The following ARHGEF33 variants were observed in gnomAD, a reference collection of about 807,000 sequenced individuals.
The protein encoded by ARHGEF33 is DH and coiled-coil domain-containing protein ENSP00000381780.
Under a neutral mutation model 101.9 loss-of-function variants are expected in ARHGEF33, and 72 were observed. The observed-to-expected ratio is 0.71, with a 90% CI of 0.58 to 0.86. The LOEUF (loss-of-function observed/expected upper bound fraction) is 0.86. Among genes scored for constraint, ARHGEF33 ranks in the 40% least tolerant of loss-of-function variants. The pLI, the probability that ARHGEF33 is intolerant of heterozygous loss-of-function variation, is 0.00. For synonymous variants in ARHGEF33, 499 were observed against 442.5 expected, an observed-to-expected ratio of 1.13 and a Z score of -1.60; for missense variants, 1,169 against 1,111.3, an observed-to-expected ratio of 1.05 and a Z score of -0.74.
Position 38,929,720 on chromosome 2 carries a change from C to T in ARHGEF33, c.252C>T (p.Ser84=). 1 of 1,551,606 alleles carries T rather than the reference C, an allele frequency of 6.4e-7. No individual in the cohort carries two copies. Among genetic ancestry groups the T allele is most frequent in the Non-Finnish European group, 8.7e-7 (1 of 1,146,682 alleles). ...NSLNYFKEEL[S]NAMSMIQAIT... ...TTCTTATTTTTTAGGAAGAGCTGAG[C>T]AATGCCATGTCGATGATCCAAGCCA... The change falls in exon 6 of 18, where the codon AGC becomes AGT. Residue 84 remains serine (S), a synonymous_variant. Transcript: ENST00000409978.
chr2:38,945,738 G>C (rs1667431410), intron 10 of ARHGEF33, among the ~76,000 whole-genome samples: 1 of 152,210 alleles, frequency 6.6e-6, no homozygotes, highest in Admixed American at 6.5e-5. Flanking sequence ...TGGGGAGGCG[G>C]GGTAAGTCAG....
intron 16 of ARHGEF33, among the ~76,000 whole-genome samples, chr2:38,962,109 GT>G (rs1667956584): frequency 6.6e-6 from 1 of 152,174 alleles, no homozygotes; most frequent in African/African-American, 2.4e-5. Flanking sequence ...GTTCCCTGGG[GT>G]TCTCAGATTT....
At chr2:38,917,133 C>T (rs1432181150) in intron 2 of ARHGEF33, among the ~76,000 whole-genome samples, 2 of 114,382 alleles carry the variant, frequency 1.7e-5, no homozygotes, top group Non-Finnish European at 3.7e-5. Flanking sequence ...ACTACGTCAC[C>T]TAGGCTGGAG....
At chr2:38,954,248 A>G (rs541282242) in intron 12 of ARHGEF33, 125 bp from the exon 13 acceptor site, 23 of 653,264 alleles carry the variant, frequency 3.5e-5, no homozygotes, top group South Asian at 2.6e-4. Flanking sequence ...GCAATGCTCT[A>G]TGACAATCTC....
chr2:38,968,920 T>C (rs1261274917), intron 17 of ARHGEF33, among the ~76,000 whole-genome samples: 1 of 152,118 alleles, frequency 6.6e-6, no homozygotes, highest in African/African-American at 2.4e-5. Flanking sequence ...ATGAGGACCA[T>C]GGAAAATTTG....
rs372697299 is a variant in ARHGEF33 at position 38,904,654 on chromosome 2, G to C, written c.-86+8805G>C. Among the ~76,000 whole-genome samples, 7 of 148,678 alleles carry C rather than the reference G, an allele frequency of 4.7e-5. No homozygotes were observed. The South Asian group carries it at 1.5e-3, about 32-fold the overall frequency. On this transcript the variant is annotated intron_variant, in intron 2 of 17. Coordinates refer to ENST00000409978, the MANE Select transcript of ARHGEF33 (RefSeq NM_001145451.5). ...CCTGGGAGGCAGAGGTGAGCAGTGA[G>C]CTGAGATTGCACCACTGCACTCCAG...
chr2:38,898,389 A>T (rs991502271), intron 2 of ARHGEF33, among the ~76,000 whole-genome samples: 9 of 152,184 alleles, frequency 5.9e-5, no homozygotes, highest in Non-Finnish European at 1.0e-4. Context: ...GCAAGCTAGT[A>T]TCAGTCACTC....
chr2:38,922,818 C>G (rs892270750), intron 4 of ARHGEF33, among the ~76,000 whole-genome samples: 4 of 152,126 alleles, frequency 2.6e-5, no homozygotes, highest in Non-Finnish European at 4.4e-5. Context: ...AGGATTTGAG[C>G]TAGGTACTTA....
chr2:38,921,971 C>G (rs1666767632), intron 4 of ARHGEF33, among the ~76,000 whole-genome samples: 1 of 152,100 alleles, frequency 6.6e-6, no homozygotes, highest in African/African-American at 2.4e-5. Context: ...GAAAAACTTT[C>G]AAGCTCTTTT....
chr2:38,959,492 A>T (rs906823683), intron 15 of ARHGEF33: 6 of 210,404 alleles, frequency 2.9e-5, no homozygotes, highest in African/African-American at 1.1e-4. Context: ...ATTCCGTATG[A>T]CTCTGCTAGG....
chr2:38,971,721 G>A (rs1020856280), intron 17 of ARHGEF33: 8 of 673,774 alleles, frequency 1.2e-5, no homozygotes, highest in Non-Finnish European at 2.2e-5. Context: ...CAATTTAGCT[G>A]TTAGTTTAAT....
chr2:38,954,940 CT>C (rs1667703076), intron 13 of ARHGEF33, among the ~76,000 whole-genome samples: 1 of 152,220 alleles, frequency 6.6e-6, no homozygotes, highest in Admixed American at 6.5e-5. Context: ...AGCCTAAAAT[CT>C]TTATTTCTAA....
chr2:38,896,140 C>T (rs758683340), intron 2 of ARHGEF33, among the ~76,000 whole-genome samples: 5 of 151,982 alleles, frequency 3.3e-5, no homozygotes, highest in African/African-American at 9.6e-5. Context: ...TTTGTTTGTT[C>T]GTTTTGTTTT....
chr2:38,931,308 T>A (rs1006715212), intron 7 of ARHGEF33, 57 bp downstream of exon 7: 1 of 1,438,576 alleles, frequency 7.0e-7, no homozygotes, highest in Non-Finnish European at 9.4e-7. Flanking sequence ...ATTCCCCCAA[T>A]TAAGAATGGG....
rs1373699342 is a variant in ARHGEF33, at chr2:38,944,035, C to T, written c.920+5C>T. The T allele has an allele frequency of 1.3e-6, 2 of 1,544,256 alleles. No homozygotes were observed. The highest frequency in any genetic ancestry group is 2.7e-5 in the African/African-American group (2 of 72,796). On this transcript the variant is annotated splice_donor_5th_base_variant and intron_variant, in intron 10 of 17. Transcript: ENST00000409978. ...GAGGAATTCCAAAGAGAGAAGGTAT[C>T]CATGCACTCATTGCCTTTGCTTTTC...
Position 38,966,000 on chromosome 2 carries a change from T to G in ARHGEF33, c.2344-6T>G. 1 of 1,551,048 alleles carries G rather than the reference T, an allele frequency of 6.4e-7. No homozygotes were observed. Among genetic ancestry groups the G allele is most frequent in the Non-Finnish European group, 8.7e-7 (1 of 1,146,736 alleles). ...AAAGAAAAAAATCCCTCTTTTTTGT[T>G]TCCAGGAGATGCATTTAGAAGATAC... On this transcript the variant is annotated splice_polypyrimidine_tract_variant and splice_region_variant and intron_variant, in intron 16 of 17. Coordinates refer to ENST00000409978, the MANE Select transcript of ARHGEF33 (RefSeq NM_001145451.5).
Position 38,960,146 on chromosome 2 carries a change from A to T in ARHGEF33, c.1841A>T (p.Glu614Val). Residue 614 changes from glutamate (E) to valine (V), a missense_variant, in exon 16 of 18, where the codon GAA becomes GTA. By Grantham distance (121) the Glu-to-Val change is moderately radical. Transcript: ENST00000409978. Reference protein sequence around the residue: ...DARGFVPAAYEEFEYGGEIFA... With the variant: ...DARGFVPAAYVEFEYGGEIFA... ...CGCGGCTTCGTGCCCGCGGCCTACG[A>T]AGAGTTCGAGTACGGCGGCGAGATC... 6.5e-7 allele frequency: 1 copy of T among 1,543,010 alleles called. No individual in the cohort carries two copies. The highest frequency in any genetic ancestry group is 8.7e-7 in the Non-Finnish European group (1 of 1,145,496).
chr2:38,901,714 G>A (rs1473570712), intron 2 of ARHGEF33, among the ~76,000 whole-genome samples: 3 of 152,208 alleles, frequency 2.0e-5, no homozygotes, highest in East Asian at 1.9e-4. Flanking sequence ...CTCGGAGAGG[G>A]TAAATAATTT....
intron 10 of ARHGEF33, among the ~76,000 whole-genome samples, chr2:38,946,947 C>T (rs1667466853): frequency 6.6e-6 from 1 of 152,120 alleles, no homozygotes; most frequent in Non-Finnish European, 1.5e-5. Flanking sequence ...TTTAAATAGA[C>T]CAGCTGAAGG....
Sources: allele counts gnomAD v4.1 joint callset (sites outside exome capture counted in the v4.1 genomes callset), GRCh38; gene constraint gnomAD v4.1.1; transcripts MANE v1.5; gene names NCBI Gene and HGNC (gene_info 2026-07-23, HGNC 2026-07-21).